The following CAMTA1 variants were observed in gnomAD, a reference collection of about 807,000 sequenced individuals.
CAMTA1 encodes calmodulin binding transcription activator 1, also known as calmodulin-binding transcription activator 1.
In CAMTA1, 27 loss-of-function variants were observed where a neutral mutation model predicts 170.9. The observed-to-expected ratio is 0.16, with a 90% CI of 0.12 to 0.22. The LOEUF is 0.22. Among genes scored for constraint, CAMTA1 ranks in the 10% least tolerant of loss-of-function variants. The pLI is 1.00. For missense variants in CAMTA1, 1,619 were observed against 2,217.2 expected (o/e 0.73, Z 5.42); for synonymous variants, 833 against 891.5 (o/e 0.93, Z 1.17).
chr1:7,064,071 C>T lies in CAMTA1; in HGVS notation c.235-27233C>T, dbSNP rs573956374. Among the ~76,000 whole-genome samples, 570 of 150,614 alleles carry T rather than the reference C, an allele frequency of 3.8e-3. 3 individuals carry two copies. The highest frequency in any genetic ancestry group is 0.014 in the African/African-American group (549 of 40,392). On this transcript the variant is annotated intron_variant, in intron 3 of 22. Coordinates refer to ENST00000303635, the MANE Select transcript of CAMTA1 (RefSeq NM_015215.4). The surrounding 1 kb of genome is among the most constrained non-coding windows in gnomAD (Gnocchi z 5.4). ...GTGGGAGCCTTTGCCTTCACCTTCT[C>T]CTCCTCCTCCTCCTCCTTCTTCTCC... is the stretch of plus-strand genomic sequence containing the variant.
At chr1:7,284,907 C>T (rs1455242737) in intron 5 of CAMTA1, among the ~76,000 whole-genome samples, 2 of 152,316 alleles carry the variant, frequency 1.3e-5, no homozygotes, top group African/African-American at 2.4e-5. Flanking sequence ...CCACAGAACT[C>T]GTGCAAGGAA....
At chr1:7,691,250 G>C (rs564266738) in intron 11 of CAMTA1, among the ~76,000 whole-genome samples, 11 of 152,312 alleles carry the variant, frequency 7.2e-5, no homozygotes, top group African/African-American at 2.6e-4. Flanking sequence ...GGCACGCGCA[G>C]AAACTCTGTG....
At chr1:7,228,118 G>A (rs1398546200) in intron 4 of CAMTA1, among the ~76,000 whole-genome samples, 2 of 152,240 alleles carry the variant, frequency 1.3e-5, no homozygotes, top group African/African-American at 4.8e-5. Flanking sequence ...TATTAATATT[G>A]CAGTAACATG....
intron 5 of CAMTA1, among the ~76,000 whole-genome samples, chr1:7,446,497 C>T (rs74053280): frequency 0.031 from 4,708 of 152,186 alleles, 224 homozygotes; most frequent in African/African-American, 0.11. Context: ...GCTGAGAGAC[C>T]GGGAGGGGAA....
Position 7,555,379 on chromosome 1 carries a change from C to T in CAMTA1, c.511-85021C>T, listed in dbSNP as rs993293282. On this transcript the variant is annotated intron_variant, in intron 6 of 22. Transcript: ENST00000303635. Reference sequence around the variant, plus strand: ...CTCAGAGCCAAAGCAAGCAGCCCCTCCATTCATGCTCCCTCCATGGGTCCT... The same window carrying T: ...CTCAGAGCCAAAGCAAGCAGCCCCTTCATTCATGCTCCCTCCATGGGTCCT... 3.3e-5 allele frequency among the ~76,000 whole-genome samples: 5 copies of T among 152,114 alleles called. No homozygotes were observed. In the South Asian group the frequency reaches 1.0e-3, roughly 32 times the overall value.
chr1:7,252,903 C>T (rs1666839100), intron 5 of CAMTA1, among the ~76,000 whole-genome samples: 2 of 152,178 alleles, frequency 1.3e-5, no homozygotes, highest in Admixed American at 1.3e-4. Context: ...TTCTTTTGTT[C>T]TCAGAGGCTG....
rs2097027387 is a variant in CAMTA1 at position 7,766,765 on chromosome 1, CA to C, written c.*276del. On this transcript the variant is annotated 3_prime_UTR_variant, in exon 23 of 23. Coordinates refer to ENST00000303635, the MANE Select transcript of CAMTA1 (RefSeq NM_015215.4). ...AATCTTCTGTTGGATCACGGGAAAT[CA>C]AGACACCCAGGAGGAATTGAAAGAG... The C allele has an allele frequency of 6.4e-6, 3 of 465,286 alleles. No individual in the cohort carries two copies. The South Asian group carries it at 1.0e-4, about 16-fold the overall frequency. The allele number at this position is 465,286 out of a possible 1,614,324, so 28.8% of individuals were successfully genotyped here.
At chr1:7,398,313 C>A (rs1394225834) in intron 5 of CAMTA1, among the ~76,000 whole-genome samples, 1 of 146,736 alleles carries the variant, frequency 6.8e-6, no homozygotes, top group Non-Finnish European at 1.5e-5. Context: ...GATGAATTGA[C>A]CACTTTATTA....
intron 11 of CAMTA1, among the ~76,000 whole-genome samples, chr1:7,729,114 CT>C (rs146252158): frequency 7.0e-6 from 1 of 142,280 alleles, no homozygotes; most frequent in East Asian, 2.0e-4. Context: ...TATGAGGAAT[CT>C]TTTTTTTTCT....
intron 3 of CAMTA1, among the ~76,000 whole-genome samples, chr1:6,983,401 C>T (rs149799352): frequency 6.6e-6 from 1 of 152,318 alleles, no homozygotes; most frequent in Admixed American, 6.5e-5. Context: ...TACTCTCCCT[C>T]TTCTTCCCCT....
In CAMTA1 at chr1:7,014,695, C is replaced by T. The variant is rs143991352; in HGVS notation, c.235-76609C>T. Among the ~76,000 whole-genome samples the T allele has an allele frequency of 5.5e-4, 84 of 152,274 alleles. 1 individual carries two copies. The highest frequency in any genetic ancestry group is 1.7e-3 in the African/African-American group (71 of 41,542). ...GTTTCAAAAAGGAAGCCTCTCCTCT[C>T]GGGTATCATGACCAGGCTCCTCGTA... is the stretch of plus-strand genomic sequence containing the variant. On this transcript the variant is annotated intron_variant, in intron 3 of 22. Coordinates refer to ENST00000303635, the MANE Select transcript of CAMTA1 (RefSeq NM_015215.4). The surrounding 1 kb of genome is among the most constrained non-coding windows in gnomAD (Gnocchi z 4.2).
At chr1:7,159,348 A>G (rs1647068793) in intron 4 of CAMTA1, among the ~76,000 whole-genome samples, 1 of 152,080 alleles carries the variant, frequency 6.6e-6, no homozygotes, top group African/African-American at 2.4e-5. Flanking sequence ...ACAGACCTCA[A>G]GTCCGGTCAC....
At chr1:6,978,679 A>G (rs1317068821) in intron 3 of CAMTA1, among the ~76,000 whole-genome samples, 2 of 149,466 alleles carry the variant, frequency 1.3e-5, no homozygotes. Context: ...TATATTTTAT[A>G]TATTATAGAT....
chr1:6,828,893 T>G (rs1179761696), intron 3 of CAMTA1, among the ~76,000 whole-genome samples: 2 of 143,018 alleles, frequency 1.4e-5, no homozygotes, highest in Non-Finnish European at 3.1e-5. Flanking sequence ...TAACGTAGTT[T>G]TTTTTTTTTT....
In CAMTA1 at chr1:7,122,616, T is replaced by C. The variant is rs568675948; in HGVS notation, c.302+31245T>C. Among the ~76,000 whole-genome samples, 171 of 152,268 alleles carry C rather than the reference T, an allele frequency of 1.1e-3. 1 individual carries two copies. Among genetic ancestry groups the C allele is most frequent in the Non-Finnish European group, 2.0e-3 (133 of 68,006 alleles). ...CCCCTCTGCAACAGGGCTTATTTCCTAGCCAAGTCAGCTCTCAGGAAAGTG... is the reference window on the plus strand; with the variant it reads ...CCCCTCTGCAACAGGGCTTATTTCCCAGCCAAGTCAGCTCTCAGGAAAGTG... On this transcript the variant is annotated intron_variant, in intron 4 of 22. Coordinates refer to ENST00000303635, the MANE Select transcript of CAMTA1 (RefSeq NM_015215.4).
At chr1:7,409,391 C>A (rs2090540975) in intron 5 of CAMTA1, among the ~76,000 whole-genome samples, 2 of 152,260 alleles carry the variant, frequency 1.3e-5, no homozygotes, top group South Asian at 4.1e-4. Flanking sequence ...GCCTTCCATC[C>A]TGCCCCTCTG....
chr1:7,443,764 G>A lies in CAMTA1; in HGVS notation c.439-24066G>A, dbSNP rs534797143. 4.6e-5 allele frequency among the ~76,000 whole-genome samples: 7 copies of A among 152,238 alleles called. No individual in the cohort carries two copies. The highest frequency in any genetic ancestry group is 1.0e-4 in the Non-Finnish European group (7 of 68,022). On this transcript the variant is annotated intron_variant, in intron 5 of 22. Coordinates refer to ENST00000303635, the MANE Select transcript of CAMTA1 (RefSeq NM_015215.4). This position sits in a 1 kb window ranked among gnomAD's most constrained non-coding sequence, Gnocchi z 4.1. ...AGGGAGAAGTGGGGCTCCAGAGAGG[G>A]TCCCTCAGGTCTCTGCACCCTCTTT...
rs575148635 is a variant in CAMTA1 at position 7,505,735 on chromosome 1, CA to C, written c.510+37835del. On this transcript the variant is annotated intron_variant, in intron 6 of 22. Coordinates refer to ENST00000303635, the MANE Select transcript of CAMTA1 (RefSeq NM_015215.4). Reference sequence around the variant, plus strand: ...AACCTTGGAATGTCCTCGGGTGGCACAGGGGGACACCACAGTCCGCTGAGCA... The same window carrying C: ...AACCTTGGAATGTCCTCGGGTGGCACGGGGGACACCACAGTCCGCTGAGCA... Among the ~76,000 whole-genome samples the C allele has an allele frequency of 1.8e-3, 277 of 152,346 alleles. 1 individual carries two copies. Among genetic ancestry groups the C allele is most frequent in the African/African-American group, 6.3e-3 (263 of 41,588 alleles).
At chr1:7,529,782 G>C (rs893054246) in intron 6 of CAMTA1, among the ~76,000 whole-genome samples, 4 of 152,224 alleles carry the variant, frequency 2.6e-5, no homozygotes, top group Admixed American at 1.3e-4. Context: ...ATGTGGTTGG[G>C]TTTTTAATGG....
Sources: gnomAD v4.1 joint callset for allele counts (sites outside exome capture counted in the v4.1 genomes callset) on GRCh38, gnomAD v4.1.1 for gene constraint, Gnocchi (gnomAD v3.1) non-coding constraint, MANE v1.5 for transcripts, NCBI Gene and HGNC (gene_info 2026-07-23, HGNC 2026-07-21) for gene names.